The following DNAH8 variants were observed in gnomAD, a reference collection of about 807,000 sequenced individuals.
DNAH8 encodes the protein dynein axonemal heavy chain 8, also known as axonemal beta dynein heavy chain 8.
A neutral mutation model predicts 562.1 loss-of-function variants in DNAH8; 382 were observed. The ratio of observed to expected loss-of-function variants is 0.68; its 90% CI spans 0.63 to 0.74. The LOEUF is 0.74. Ranked by LOEUF, DNAH8 falls within the 30% of genes least tolerant of loss-of-function variation. The pLI is 0.00. For missense variants in DNAH8, 5,203 were observed against 5,620.4 expected (o/e 0.93, Z 2.37); for synonymous variants, 1,881 against 1,919.4 (o/e 0.98, Z 0.52).
chr6:38,789,062 G>T (rs978219810), intron 18 of DNAH8, among the ~76,000 whole-genome samples: 4 of 152,126 alleles, frequency 2.6e-5, no homozygotes, highest in African/African-American at 9.7e-5. Flanking sequence ...GTTATAAATC[G>T]AAGCTAATAT....
chr6:38,760,259 G>T (rs1210822304), intron 10 of DNAH8, among the ~76,000 whole-genome samples: 1 of 152,100 alleles, frequency 6.6e-6, no homozygotes, highest in Non-Finnish European at 1.5e-5. Flanking sequence ...TCAAATGCTA[G>T]TGTGACTTGG....
intron 76 of DNAH8, among the ~76,000 whole-genome samples, chr6:38,934,924 T>C (rs1170005806): frequency 6.6e-6 from 1 of 152,248 alleles, no homozygotes; most frequent in Admixed American, 6.5e-5. Flanking sequence ...AAGTGAAGGC[T>C]ATATGAAAGT....
At chr6:38,925,119 A>G (rs1396958837) in intron 73 of DNAH8, 8 of 152,146 alleles carry the variant, frequency 5.3e-5, no homozygotes, top group Admixed American at 2.6e-4. Context: ...ATCTTTTCCA[A>G]TTCGAACATT....
At chr6:38,793,456 C>G (rs904465959) in intron 21 of DNAH8, among the ~76,000 whole-genome samples, 1 of 152,050 alleles carries the variant, frequency 6.6e-6, no homozygotes, top group Non-Finnish European at 1.5e-5. Flanking sequence ...ATTATACCAG[C>G]TTTTTTCAGG....
intron 3 of DNAH8, among the ~76,000 whole-genome samples, chr6:38,725,673 G>A (rs1236890823): frequency 6.6e-6 from 1 of 152,182 alleles, no homozygotes; most frequent in Non-Finnish European, 1.5e-5. Flanking sequence ...TACTGCTGTG[G>A]TCAAGGCTGG....
intron 33 of DNAH8, among the ~76,000 whole-genome samples, chr6:38,841,452 C>A (rs1738190): frequency 4.2e-4 from 64 of 152,004 alleles, no homozygotes; most frequent in African/African-American, 1.5e-3. Flanking sequence ...AAAGATAGAA[C>A]GACTTTTACT....
Position 38,908,810 on chromosome 6 carries a change from C to T in DNAH8, c.9513+690C>T, listed in dbSNP as rs140066931. ...TCAAGCGATTCACCTGCCTGGGCCT[C>T]GCAAAGTGCTGGGATTACAGGCATG... is the stretch of plus-strand genomic sequence containing the variant. On this transcript the variant is annotated intron_variant, in intron 64 of 92. Coordinates refer to ENST00000327475, the MANE Select transcript of DNAH8 (RefSeq NM_001206927.2). Among the ~76,000 whole-genome samples the T allele has an allele frequency of 5.5e-3, 830 of 152,258 alleles. 9 individuals carry two copies. The highest frequency in any genetic ancestry group is 0.019 in the African/African-American group (777 of 41,536).
In DNAH8 at chr6:38,982,463, G is replaced by T; in HGVS notation, c.12951+1G>T. ...CCTTGATGAATGCGATATTAAGAAA[G>T]TGAGTGAAATTATGCCTTTTTTCCT... On this transcript the variant is annotated splice_donor_variant, in intron 86 of 92. Coordinates refer to ENST00000327475, the MANE Select transcript of DNAH8 (RefSeq NM_001206927.2). LOFTEE classifies it high-confidence loss of function. 1 of 1,427,610 alleles carries T rather than the reference G, an allele frequency of 7.0e-7. No individual in the cohort carries two copies. Among genetic ancestry groups the T allele is most frequent in the Non-Finnish European group, 9.9e-7 (1 of 1,011,136 alleles). 88.4% of individuals were successfully genotyped at this position (1,427,610 alleles called of 1,614,324 possible). A position where few individuals can be genotyped will look rare whatever the true frequency, so the allele number is the denominator to read the frequency against.
intron 26 of DNAH8, among the ~76,000 whole-genome samples, chr6:38,820,989 GAT>G (rs1772780966): frequency 6.6e-6 from 1 of 152,120 alleles, no homozygotes; most frequent in Non-Finnish European, 1.5e-5. Context: ...CTATCAAGTG[GAT>G]TAAGATAAGT....
chr6:38,803,398 C>G (rs1770961337), intron 22 of DNAH8, 87 bp downstream of exon 22: 1 of 906,916 alleles, frequency 1.1e-6, no homozygotes, highest in South Asian at 2.0e-5. Flanking sequence ...GTACTGAATT[C>G]CAGACCCTCC....
chr6:38,949,077 T>G (rs1159798222), intron 80 of DNAH8, among the ~76,000 whole-genome samples: 1 of 152,060 alleles, frequency 6.6e-6, no homozygotes, highest in Non-Finnish European at 1.5e-5. Context: ...TGGCATCTAG[T>G]GGATAGGGAC....
At chr6:38,924,982 T>C (rs1163887495) in intron 73 of DNAH8, 4 of 152,254 alleles carry the variant, frequency 2.6e-5, no homozygotes, top group Non-Finnish European at 4.4e-5. Context: ...TTGTAATAAA[T>C]GCTTTCCAGG....
At chr6:38,958,594 C>T (rs1762413994) in intron 82 of DNAH8, among the ~76,000 whole-genome samples, 1 of 132,816 alleles carries the variant, frequency 7.5e-6, no homozygotes, top group African/African-American at 2.8e-5. Flanking sequence ...ATTAGAAAAC[C>T]TGAATAGCCA....
chr6:38,779,195 G>A (rs538506132), intron 14 of DNAH8, among the ~76,000 whole-genome samples: 43 of 152,324 alleles, frequency 2.8e-4, no homozygotes, highest in African/African-American at 9.4e-4. Context: ...TTCCCTGAGA[G>A]CCAGCGGATC....
chr6:38,939,804 T>C (rs1470522870), intron 79 of DNAH8, among the ~76,000 whole-genome samples: 1 of 152,212 alleles, frequency 6.6e-6, no homozygotes, highest in African/African-American at 2.4e-5. Context: ...ATTTAACCAA[T>C]TATTTTCTGG....
intron 11 of DNAH8, among the ~76,000 whole-genome samples, chr6:38,766,637 C>A (rs991482634): frequency 1.3e-5 from 2 of 152,040 alleles, no homozygotes; most frequent in Non-Finnish European, 2.9e-5. Flanking sequence ...CAGGCATGCA[C>A]CATGTATTGT....
chr6:38,946,257 A>T (rs1230960964), intron 80 of DNAH8, among the ~76,000 whole-genome samples: 1 of 152,224 alleles, frequency 6.6e-6, no homozygotes, highest in Admixed American at 6.5e-5. Context: ...AGTGACTGAC[A>T]GATGGGGCCA....
intron 52 of DNAH8, 123 bp downstream of exon 52, chr6:38,873,499 GTAAAAGCTCTGATAATTT>G: frequency 3.7e-6 from 3 of 808,280 alleles, no homozygotes; most frequent in Non-Finnish European, 5.6e-6. Context: ...TGATGTGGCT[GTAAAAGCTCTGATAATTT>G]TGATTTCTAT....
chr6:38,890,807 C>A, intron 58 of DNAH8, 46 bp downstream of exon 58: 1 of 1,326,608 alleles, frequency 7.5e-7, no homozygotes, highest in Non-Finnish European at 1.1e-6. Flanking sequence ...AACTATTATT[C>A]AGCCCTAGAT....
Sources: gnomAD v4.1 joint callset for allele counts (sites outside exome capture counted in the v4.1 genomes callset) on GRCh38, gnomAD v4.1.1 for gene constraint, MANE v1.5 for transcripts, NCBI Gene and HGNC (gene_info 2026-07-23, HGNC 2026-07-21) for gene names.